TAS2R1: variants seen among roughly 807,000 people sequenced by gnomAD.
TAS2R1 encodes taste 2 receptor member 1.
For synonymous variants in TAS2R1, 141 were observed against 134.2 expected (o/e 1.05, Z -0.35); for missense variants, 370 against 353.4 (o/e 1.05, Z -0.38).
chr5:9,848,279 T>C, the TAS2R1 span, among the ~76,000 whole-genome samples: 1 of 152,226 alleles, frequency 6.6e-6, no homozygotes, highest in African/African-American at 2.4e-5. Flanking sequence ...CTCTTCATCA[T>C]CATGGAATCA....
At chr5:9,866,387 T>C in the TAS2R1 span, among the ~76,000 whole-genome samples, 1 of 152,204 alleles carries the variant, frequency 6.6e-6, no homozygotes. Flanking sequence ...ATTTCTCTTG[T>C]TTTTGGACAA....
intron 1 of TAS2R1, among the ~76,000 whole-genome samples, chr5:9,699,647 A>G (rs1308470586): frequency 6.6e-6 from 1 of 152,074 alleles, no homozygotes; most frequent in Non-Finnish European, 1.5e-5. Flanking sequence ...TGCTGCTTTT[A>G]TGAAGTCTCT....
chr5:9,887,329 GC>G, the TAS2R1 span, among the ~76,000 whole-genome samples: 1 of 152,094 alleles, frequency 6.6e-6, no homozygotes, highest in Non-Finnish European at 1.5e-5. Flanking sequence ...CTGAATATAA[GC>G]CTTGTCTTCC....
chr5:9,633,303 TATA>T (rs750222064), upstream of TAS2R1, among the ~76,000 whole-genome samples: 19,963 of 126,914 alleles, frequency 0.16, 2,337 homozygotes, highest in South Asian at 0.2. Context: ...ATTATATATA[TATA>T]TATATATATA....
the TAS2R1 span, among the ~76,000 whole-genome samples, chr5:9,747,964 A>G: frequency 2.0e-5 from 3 of 152,098 alleles, no homozygotes; most frequent in African/African-American, 7.2e-5. Flanking sequence ...GGGATGTGTT[A>G]TGGATAATAA....
At chr5:9,743,246 T>A in the TAS2R1 span, among the ~76,000 whole-genome samples, 3 of 152,282 alleles carry the variant, frequency 2.0e-5, no homozygotes, top group African/African-American at 7.2e-5. Flanking sequence ...AGGCTTCCCC[T>A]CTGGATGCTA....
intron 1 of TAS2R1, among the ~76,000 whole-genome samples, chr5:9,664,599 T>C (rs1308366201): frequency 6.6e-6 from 1 of 152,206 alleles, no homozygotes; most frequent in Non-Finnish European, 1.5e-5. Context: ...CTTCCACCCA[T>C]TAAAATGCAA....
chr5:9,857,927 CAG>C, the TAS2R1 span, among the ~76,000 whole-genome samples: 1 of 152,104 alleles, frequency 6.6e-6, no homozygotes, highest in African/African-American at 2.4e-5. Context: ...AGCAGGTGAG[CAG>C]ACCCTGGTGC....
At chr5:9,726,834 G>A in the TAS2R1 span, among the ~76,000 whole-genome samples, 1 of 152,200 alleles carries the variant, frequency 6.6e-6, no homozygotes, top group African/African-American at 2.4e-5. Flanking sequence ...GAACACGAAA[G>A]CTTCACCAAG....
the TAS2R1 span, among the ~76,000 whole-genome samples, chr5:9,802,157 G>A: frequency 2.0e-5 from 3 of 152,066 alleles, no homozygotes; most frequent in African/African-American, 7.2e-5. Flanking sequence ...TACAAGCAAG[G>A]ACCCTCACAA....
the TAS2R1 span, among the ~76,000 whole-genome samples, chr5:9,852,134 G>T: frequency 2.0e-5 from 3 of 152,120 alleles, no homozygotes; most frequent in African/African-American, 7.2e-5. Flanking sequence ...CATTTACAAA[G>T]GAGAATTACT....
chr5:9,735,143 A>G, the TAS2R1 span, among the ~76,000 whole-genome samples: 327 of 151,394 alleles, frequency 2.2e-3, 13 homozygotes, highest in African/African-American at 7.5e-3. Flanking sequence ...AGATCTCCTA[A>G]GAATTCACTC....
the TAS2R1 span, among the ~76,000 whole-genome samples, chr5:9,893,550 T>C: frequency 2.6e-5 from 4 of 152,218 alleles, no homozygotes; most frequent in Non-Finnish European, 4.4e-5. Context: ...CTTCAAAATT[T>C]TTTTTAAGTT....
chr5:9,680,300 G>A (rs75354858), intron 1 of TAS2R1, among the ~76,000 whole-genome samples: 6,090 of 152,206 alleles, frequency 0.04, 176 homozygotes, highest in African/African-American at 0.086. Context: ...ACAGTCTTAC[G>A]GGTGGAAGAG....
the TAS2R1 span, among the ~76,000 whole-genome samples, chr5:9,827,453 G>C: frequency 1.1e-4 from 17 of 152,002 alleles, no homozygotes; most frequent in African/African-American, 4.1e-4. Context: ...AACATAAATT[G>C]GGCCAGGAAC....
At chr5:9,850,840 A>G in the TAS2R1 span, among the ~76,000 whole-genome samples, 39 of 152,330 alleles carry the variant, frequency 2.6e-4, 1 homozygote, top group Admixed American at 1.5e-3. Context: ...CCACTGTGAA[A>G]TGGGAGGTGT....
At chr5:9,830,218 T>TAGAC in the TAS2R1 span, among the ~76,000 whole-genome samples, 3 of 150,778 alleles carry the variant, frequency 2.0e-5, no homozygotes, top group Non-Finnish European at 3.0e-5. Flanking sequence ...GATAGACAGA[T>TAGAC]AGACAGACAG....
At chr5:9,640,105 C>T (rs1320341907) in intron 2 of TAS2R1, among the ~76,000 whole-genome samples, 1 of 152,100 alleles carries the variant, frequency 6.6e-6, no homozygotes, top group Non-Finnish European at 1.5e-5. Flanking sequence ...AGACAGGCAA[C>T]TCTTCCTTTC....
At chr5:9,665,540 C>T (rs1228502525) in intron 1 of TAS2R1, among the ~76,000 whole-genome samples, 1 of 152,292 alleles carries the variant, frequency 6.6e-6, no homozygotes, top group South Asian at 2.1e-4. Context: ...AGTCTTTGTA[C>T]CATGTCCTGC....
Sources: allele counts gnomAD v4.1 joint callset (sites outside exome capture counted in the v4.1 genomes callset), GRCh38; gene constraint gnomAD v4.1.1; transcripts MANE v1.5; gene names NCBI Gene and HGNC (gene_info 2026-07-23, HGNC 2026-07-21).